Variants in FRYL observed in about 807,000 individuals in gnomAD.
The protein encoded by FRYL is protein furry homolog-like.
FRYL carries 150 observed loss-of-function variants against 351.2 expected under a neutral mutation model. The ratio of observed to expected loss-of-function variants is 0.43; its 90% CI spans 0.37 to 0.49. The LOEUF is 0.49. FRYL is among the 20% of genes least tolerant of loss of function. The pLI, the probability that FRYL is intolerant of heterozygous loss-of-function variation, is 0.00. For synonymous variants in FRYL, 1,153 were observed against 1,257.1 expected, an observed-to-expected ratio of 0.92 and a Z score of 1.75; for missense variants, 3,036 against 3,619.3, an observed-to-expected ratio of 0.84 and a Z score of 4.13.
chr4:48,727,440 A>G (rs547297213), intron 1 of FRYL: 1 of 152,420 alleles, frequency 6.6e-6, no homozygotes, highest in South Asian at 2.1e-4. Context: ...CCATAGTAGA[A>G]ACCCATGAGC....
chr4:48,580,843 A>G (rs768552933), intron 22 of FRYL, 22 bp downstream of exon 22: 150 of 1,493,802 alleles, frequency 1.0e-4, no homozygotes, highest in Non-Finnish European at 1.3e-4. Flanking sequence ...AAGATTGGGT[A>G]GAATGAAGTC....
intron 1 of FRYL, among the ~76,000 whole-genome samples, chr4:48,736,505 A>T (rs1771420732): frequency 6.6e-6 from 1 of 152,104 alleles, no homozygotes. Flanking sequence ...TAGAAAATGA[A>T]AGCAGAGACA....
intron 3 of FRYL, among the ~76,000 whole-genome samples, chr4:48,647,683 T>C (rs969459832): frequency 2.0e-5 from 3 of 152,092 alleles, no homozygotes; most frequent in Non-Finnish European, 4.4e-5. Flanking sequence ...AAAAAAAAGA[T>C]ACAGCAGGCC....
chr4:48,501,859 G>A, intron 61 of FRYL, 126 bp from the exon 62 acceptor site: 1 of 637,500 alleles, frequency 1.6e-6, no homozygotes, highest in Non-Finnish European at 2.8e-6. Flanking sequence ...AATATGGTAT[G>A]AAGCTGATGA....
At chr4:48,535,316 G>A (rs1728628475) in intron 48 of FRYL, among the ~76,000 whole-genome samples, 1 of 151,800 alleles carries the variant, frequency 6.6e-6, no homozygotes, top group South Asian at 2.1e-4. Flanking sequence ...TTTTAATTAG[G>A]TAAAGTGTAT....
chr4:48,673,650 TATTTTAAAACAA>T (rs1763079242), intron 3 of FRYL, among the ~76,000 whole-genome samples: 2 of 152,376 alleles, frequency 1.3e-5, no homozygotes, highest in African/African-American at 4.8e-5. Flanking sequence ...GCAAACGCCT[TATTTTAAAACAA>T]TGGCATGGCT....
chr4:48,551,783 G>A (rs1369782950), intron 36 of FRYL, among the ~76,000 whole-genome samples: 1 of 152,196 alleles, frequency 6.6e-6, no homozygotes, highest in Non-Finnish European at 1.5e-5. Context: ...TGGACAGTAA[G>A]TAATTAAGTG....
intron 7 of FRYL, among the ~76,000 whole-genome samples, chr4:48,611,646 TAG>T (rs1373270965): frequency 6.6e-6 from 1 of 152,154 alleles, no homozygotes; most frequent in Admixed American, 6.6e-5. Context: ...ATATTCCATC[TAG>T]AGTCACCTTT....
intron 3 of FRYL, among the ~76,000 whole-genome samples, chr4:48,652,818 G>T (rs1338225056): frequency 6.6e-6 from 1 of 152,116 alleles, no homozygotes; most frequent in East Asian, 1.9e-4. Context: ...ACATTAGTTT[G>T]CTTAGGCACC....
At chr4:48,744,273 C>A (rs537765086) in intron 1 of FRYL, among the ~76,000 whole-genome samples, 16 of 151,936 alleles carry the variant, frequency 1.1e-4, no homozygotes, top group African/African-American at 3.4e-4. Context: ...GGATTGTATA[C>A]TTTGCAAAGG....
intron 36 of FRYL, 128 bp downstream of exon 36, chr4:48,553,081 TAATAAA>T: frequency 5.0e-6 from 3 of 600,402 alleles, no homozygotes; most frequent in Non-Finnish European, 8.4e-6. Flanking sequence ...TTTTTTCTTT[TAATAAA>T]TTTTATTGTA....
chr4:48,607,392 C>T (rs1273953450), intron 9 of FRYL, among the ~76,000 whole-genome samples: 3 of 152,024 alleles, frequency 2.0e-5, no homozygotes, highest in Admixed American at 6.6e-5. Context: ...TGAAATATAA[C>T]ATCTTTTTTT....
At chr4:48,588,285 T>C (rs1742557178) in intron 18 of FRYL, among the ~76,000 whole-genome samples, 2 of 152,244 alleles carry the variant, frequency 1.3e-5, no homozygotes, top group South Asian at 4.1e-4. Flanking sequence ...GTGTAGTGTG[T>C]TCTTATAATT....
intron 2 of FRYL, among the ~76,000 whole-genome samples, chr4:48,695,469 T>C (rs1335248063): frequency 6.6e-6 from 1 of 152,010 alleles, no homozygotes; most frequent in African/African-American, 2.4e-5. Context: ...ATTAAGATGT[T>C]AACATATATT....
chr4:48,666,915 A>G (rs1761807435), intron 3 of FRYL, among the ~76,000 whole-genome samples: 1 of 152,192 alleles, frequency 6.6e-6, no homozygotes. Flanking sequence ...AAGTATAAGA[A>G]GAATTTAGGT....
chr4:48,668,697 T>C (rs959046393), intron 3 of FRYL, among the ~76,000 whole-genome samples: 9 of 152,220 alleles, frequency 5.9e-5, no homozygotes, highest in Non-Finnish European at 1.3e-4. Flanking sequence ...AACAATACTT[T>C]CATGTTAAAT....
intron 1 of FRYL, among the ~76,000 whole-genome samples, chr4:48,716,995 C>T (rs1768917312): frequency 6.6e-6 from 1 of 150,604 alleles, no homozygotes; most frequent in Non-Finnish European, 1.5e-5. Flanking sequence ...AATTGGAAAT[C>T]ATCATTCTCA....
chr4:48,737,432 GAAGA>G (rs1771573946), intron 1 of FRYL, among the ~76,000 whole-genome samples: 1 of 152,072 alleles, frequency 6.6e-6, no homozygotes, highest in African/African-American at 2.4e-5. Context: ...ATTCACACAA[GAAGA>G]AATAGGCAAT....
In FRYL at chr4:48,689,460, G is replaced by C. The variant is rs181225008; in HGVS notation, c.-203-4665C>G. On this transcript the variant is annotated intron_variant, in intron 2 of 63. Transcript: ENST00000358350. ...TTCTACATCTAGAGTTAAGTACCAA[G>C]AGAAAATTTTTGGACAAATTCAGAA... Among the ~76,000 whole-genome samples, 9 of 152,244 alleles carry C rather than the reference G, an allele frequency of 5.9e-5. No individual in the cohort carries two copies. The East Asian group carries it at 1.3e-3, about 23-fold the overall frequency.
Sources: allele counts gnomAD v4.1 joint callset (sites outside exome capture counted in the v4.1 genomes callset), GRCh38; gene constraint gnomAD v4.1.1; transcripts MANE v1.5; gene names NCBI Gene and HGNC (gene_info 2026-07-23, HGNC 2026-07-21).